Variants in EFCAB11 observed in about 807,000 individuals in gnomAD.
EFCAB11 encodes the protein EF-hand calcium-binding domain-containing protein 11.
EFCAB11 carries 14 observed loss-of-function variants against 23.0 expected under a neutral mutation model. That is an observed-to-expected ratio of 0.61 (90% CI 0.40 to 0.95). The LOEUF is 0.95. Among genes scored for constraint, EFCAB11 ranks in the 40% least tolerant of loss-of-function variants. EFCAB11 has a pLI of 0.00. For missense variants in EFCAB11, 198 were observed against 195.8 expected (o/e 1.01, Z -0.07); for synonymous variants, 65 against 66.6 (o/e 0.98, Z 0.11).
chr14:89,895,800 CA>C (rs1889134369), intron 5 of EFCAB11, among the ~76,000 whole-genome samples: 1 of 152,030 alleles, frequency 6.6e-6, no homozygotes, highest in Non-Finnish European at 1.5e-5. Flanking sequence ...TAAATTTAAC[CA>C]AACTAAATTT....
chr14:89,860,835 C>T (rs1477497317), intron 5 of EFCAB11, among the ~76,000 whole-genome samples: 1 of 152,184 alleles, frequency 6.6e-6, no homozygotes, highest in Non-Finnish European at 1.5e-5. Flanking sequence ...TAACATAATG[C>T]TAGTCAGTTA....
chr14:89,851,973 G>C (rs1887614039), intron 5 of EFCAB11, among the ~76,000 whole-genome samples: 1 of 152,196 alleles, frequency 6.6e-6, no homozygotes. Context: ...TGCCAAAAGA[G>C]TCTTTGGAAA....
chr14:89,847,583 T>C (rs1887470072), intron 5 of EFCAB11, among the ~76,000 whole-genome samples: 2 of 151,626 alleles, frequency 1.3e-5, no homozygotes, highest in African/African-American at 4.8e-5. Context: ...CTACTAAAAA[T>C]ACAAAATTAG....
At chr14:89,800,388 C>A (rs1305771061) in intron 5 of EFCAB11, among the ~76,000 whole-genome samples, 1 of 151,992 alleles carries the variant, frequency 6.6e-6, no homozygotes, top group Non-Finnish European at 1.5e-5. Context: ...GGCAGTGGAG[C>A]GAGGGAACCC....
chr14:89,813,149 G>A (rs553989460), intron 5 of EFCAB11, among the ~76,000 whole-genome samples: 10 of 152,102 alleles, frequency 6.6e-5, no homozygotes, highest in Non-Finnish European at 1.3e-4. Flanking sequence ...TATTAGATTC[G>A]TAAACATTTG....
At position 89,822,351 on chromosome 14, in the gene EFCAB11, C is replaced by T. The variant is rs1195668403; in HGVS notation, c.411-25027G>A. Among the ~76,000 whole-genome samples the T allele has an allele frequency of 2.0e-5, 3 of 152,202 alleles. 1 individual carries two copies. Among genetic ancestry groups the T allele is most frequent in the Non-Finnish European group, 4.4e-5 (3 of 68,036 alleles). On this transcript the variant is annotated intron_variant, in intron 5 of 5. Transcript: ENST00000316738. The stretch of plus-strand genomic sequence containing the variant: ...ATTACTTAGAATGTAGGCGTATAAG[C>T]GTGCTTGTTTTCTTCCCCTGGCAGG...
intron 5 of EFCAB11, among the ~76,000 whole-genome samples, chr14:89,897,506 G>A (rs769340987): frequency 1.2e-4 from 18 of 152,080 alleles, no homozygotes; most frequent in African/African-American, 3.6e-4. Flanking sequence ...GCGCCCAGCC[G>A]TGTGCATGTA....
At chr14:89,898,291 AC>A (rs1327949150) in intron 5 of EFCAB11, among the ~76,000 whole-genome samples, 5 of 152,210 alleles carry the variant, frequency 3.3e-5, no homozygotes, top group South Asian at 4.1e-4. Context: ...TCTATGCATG[AC>A]CCTACAAGAA....
rs1478258157 is a variant in EFCAB11, at chr14:89,888,420, C to T, written c.410+43121G>A. Among the ~76,000 whole-genome samples, 3 of 152,308 alleles carry T rather than the reference C, an allele frequency of 2.0e-5. No homozygotes were observed. In the South Asian group the frequency reaches 6.2e-4, roughly 32 times the overall value. On this transcript the variant is annotated intron_variant, in intron 5 of 5. Coordinates refer to ENST00000316738, the MANE Select transcript of EFCAB11 (RefSeq NM_145231.4). ...ACAGGAAGCATGGCGTTGGCATCTG[C>T]TTGGCTTCTGGGGAAGCCTACAATC...
intron 5 of EFCAB11, among the ~76,000 whole-genome samples, chr14:89,867,397 A>T (rs1888126985): frequency 6.6e-6 from 1 of 152,158 alleles, no homozygotes; most frequent in Admixed American, 6.6e-5. Flanking sequence ...GCTGGTGCCA[A>T]CATCATGTTA....
At chr14:89,831,017 T>G (rs115050009) in intron 5 of EFCAB11, 101 of 152,452 alleles carry the variant, frequency 6.6e-4, no homozygotes, top group African/African-American at 2.4e-3. Context: ...GACTTATTTA[T>G]TGGGTGGAGA....
Position 89,882,807 on chromosome 14 carries a change from G to A in EFCAB11, c.410+48734C>T, listed in dbSNP as rs182302510. ...TATGGTTTGGATGTTTGTCCCCTCA[G>A]ACCTCCAGCTGAAATTTGATTCCCA... On this transcript the variant is annotated intron_variant, in intron 5 of 5. Transcript: ENST00000316738. 2.1e-3 allele frequency among the ~76,000 whole-genome samples: 317 copies of A among 152,296 alleles called. 1 individual carries two copies. Among genetic ancestry groups the A allele is most frequent in the African/African-American group, 7.2e-3 (301 of 41,556 alleles).
intron 5 of EFCAB11, among the ~76,000 whole-genome samples, chr14:89,834,921 G>A (rs771117763): frequency 1.3e-5 from 2 of 152,202 alleles, no homozygotes; most frequent in Non-Finnish European, 2.9e-5. Flanking sequence ...AGGAGAAATA[G>A]TACCCCTGCC....
chr14:89,885,758 GGAAAGAAA>G (rs55818706), intron 5 of EFCAB11, among the ~76,000 whole-genome samples: 127 of 147,982 alleles, frequency 8.6e-4, no homozygotes, highest in Middle Eastern at 6.9e-3. Context: ...AGGAAAGAAA[GGAAAGAAA>G]GAAAGAAAGA....
intron 5 of EFCAB11, among the ~76,000 whole-genome samples, chr14:89,803,528 G>A (rs1182998352): frequency 6.6e-6 from 1 of 152,188 alleles, no homozygotes; most frequent in Non-Finnish European, 1.5e-5. Context: ...GAAATTTAAT[G>A]TGGAGGCCAA....
At chr14:89,931,665 T>G (rs2139809772) in intron 4 of EFCAB11, 34 bp from the exon 5 acceptor site, 1 of 1,572,088 alleles carries the variant, frequency 6.4e-7, no homozygotes, top group African/African-American at 1.3e-5. Context: ...TTCACTTACT[T>G]TAATAAGACC....
chr14:89,884,621 G>C (rs1232391801), intron 5 of EFCAB11, among the ~76,000 whole-genome samples: 1 of 152,204 alleles, frequency 6.6e-6, no homozygotes, highest in African/African-American at 2.4e-5. Flanking sequence ...AACTACTATT[G>C]TTTGAAGATG....
chr14:89,884,557 T>C (rs1024628852), intron 5 of EFCAB11, among the ~76,000 whole-genome samples: 1 of 151,944 alleles, frequency 6.6e-6, no homozygotes, highest in Non-Finnish European at 1.5e-5. Context: ...CTAGCTGATA[T>C]AGTAAGAAAA....
chr14:89,924,664 C>A, intron 5 of EFCAB11: 1 of 1,535,712 alleles, frequency 6.5e-7, no homozygotes, highest in Non-Finnish European at 8.7e-7. Flanking sequence ...TTAAATCATG[C>A]ACTGAAAATG....
Sources: gnomAD v4.1 joint callset for allele counts (sites outside exome capture counted in the v4.1 genomes callset) on GRCh38, gnomAD v4.1.1 for gene constraint, MANE v1.5 for transcripts, NCBI Gene and HGNC (gene_info 2026-07-23, HGNC 2026-07-21) for gene names.